KIF17: variants seen among roughly 807,000 people sequenced by gnomAD.
The protein encoded by KIF17 is kinesin family member 17, also known as kinesin-like protein KIF17.
Under a neutral mutation model 96.8 loss-of-function variants are expected in KIF17, and 80 were observed. The observed-to-expected ratio is 0.83, with a 90% CI of 0.69 to 1.00. The LOEUF is 1.00. Ranked by LOEUF, KIF17 falls within the 50% of genes least tolerant of loss-of-function variation. KIF17 has a pLI of 0.00. For synonymous variants in KIF17, 567 were observed against 587.5 expected (o/e 0.97, Z 0.51); for missense variants, 1,280 against 1,372.9 (o/e 0.93, Z 1.07).
At chr1:20,684,638 C>T (rs918526097) in intron 10 of KIF17, among the ~76,000 whole-genome samples, 171 bp downstream of exon 10, 1 of 152,206 alleles carries the variant, frequency 6.6e-6, no homozygotes, top group Admixed American at 6.5e-5. Flanking sequence ...GTGTCTGGAG[C>T]AGAGCCCTGC....
chr1:20,689,479 C>T (rs1389907214), intron 7 of KIF17, among the ~76,000 whole-genome samples: 1 of 152,040 alleles, frequency 6.6e-6, no homozygotes, highest in Non-Finnish European at 1.5e-5. Context: ...GACGAAATCC[C>T]GTCTCTACTG....
chr1:20,671,478 A>G (rs1239629195), intron 12 of KIF17, among the ~76,000 whole-genome samples: 2 of 151,046 alleles, frequency 1.3e-5, no homozygotes, highest in African/African-American at 2.4e-5. Flanking sequence ...CTACAGGTAC[A>G]TGCTGCCATG....
intron 11 of KIF17, among the ~76,000 whole-genome samples, chr1:20,679,519 G>A (rs2053793981): frequency 6.6e-6 from 1 of 152,048 alleles, no homozygotes; most frequent in Non-Finnish European, 1.5e-5. Flanking sequence ...AACAGAGAAG[G>A]CAGAGAGGCA....
intron 3 of KIF17, among the ~76,000 whole-genome samples, chr1:20,712,371 C>G (rs564826007): frequency 9.9e-5 from 15 of 151,246 alleles, no homozygotes; most frequent in South Asian, 2.1e-4. Context: ...TAGAAAAACT[C>G]TAGGTGGGAG....
intron 13 of KIF17, among the ~76,000 whole-genome samples, chr1:20,670,158 C>A (rs2154535033): frequency 6.6e-6 from 1 of 152,156 alleles, no homozygotes; most frequent in South Asian, 2.1e-4. Flanking sequence ...AAGTCTCTGT[C>A]CTTCACCGGC....
At chr1:20,678,698 G>A (rs1241203794) in intron 11 of KIF17, among the ~76,000 whole-genome samples, 1 of 152,118 alleles carries the variant, frequency 6.6e-6, no homozygotes, top group African/African-American at 2.4e-5. Context: ...ATGGGGCGAG[G>A]AGGAATGAGG....
chr1:20,699,688 G>A lies in KIF17; in HGVS notation c.1124-1200C>T, dbSNP rs2054198580. Reference sequence around the variant, plus strand: ...ACAGGAGGCGCTTGCTAGACAGGGGGAGCTTGCTAGACAGGGGGAGCGGTG... The same window carrying A: ...ACAGGAGGCGCTTGCTAGACAGGGGAAGCTTGCTAGACAGGGGGAGCGGTG... On this transcript the variant is annotated intron_variant, in intron 5 of 14. Transcript: ENST00000400463. This position sits in a 1 kb window ranked among gnomAD's most constrained non-coding sequence, Gnocchi z 4.3. 6.6e-6 allele frequency among the ~76,000 whole-genome samples: 1 copy of A among 152,154 alleles called. No homozygotes were observed. Among genetic ancestry groups the A allele is most frequent in the African/African-American group, 2.4e-5 (1 of 41,450 alleles).
Position 20,682,886 on chromosome 1 carries a change from T to C in KIF17, c.2232-2A>G. 1.2e-6 allele frequency: 2 copies of C among 1,608,594 alleles called. No homozygotes were observed. Among genetic ancestry groups the C allele is most frequent in the African/African-American group, 2.7e-5 (2 of 75,052 alleles). ...ACCTGCTGCTCCAACAGCTGCAGAC[T>C]GCCGGCGTGGAGGAGAAAGCAAACA... On this transcript the variant is annotated splice_acceptor_variant, in intron 10 of 14. Transcript: ENST00000400463. LOFTEE classifies it high-confidence loss of function.
chr1:20,669,689 C>T (rs549955437), intron 13 of KIF17, among the ~76,000 whole-genome samples: 230 of 149,122 alleles, frequency 1.5e-3, no homozygotes, highest in African/African-American at 5.2e-3. Context: ...CTGGCCAACC[C>T]GGTGAAACTC....
intron 11 of KIF17, among the ~76,000 whole-genome samples, chr1:20,680,940 A>ATG (rs2053818620): frequency 6.6e-6 from 1 of 151,700 alleles, no homozygotes; most frequent in African/African-American, 2.4e-5. Flanking sequence ...TGGCTAATAC[A>ATG]GTGAAACCCC....
At chr1:20,666,977 T>C (rs1055606692) in intron 13 of KIF17, among the ~76,000 whole-genome samples, 41 of 152,244 alleles carry the variant, frequency 2.7e-4, no homozygotes, top group African/African-American at 8.7e-4. Flanking sequence ...CACATCCTCC[T>C]AAACACAGTA....
In KIF17 at chr1:20,664,709, T is replaced by G; in HGVS notation, c.2962A>C (p.Ile988Leu). ...ATTTCAGGGGCCTGGGTGGGTGGGA[T>G]GGCAGAGTTGTTGCTGAGTGGGCAG... is the stretch of plus-strand genomic sequence containing the variant. Reference protein sequence around the residue: ...LSCPLSNNSAIPPTQAPEMPQ... With the variant: ...LSCPLSNNSALPPTQAPEMPQ... Residue 988 changes from isoleucine (I) to leucine (L), a missense_variant, in exon 15 of 15, where the codon ATC becomes CTC. Transcript: ENST00000400463. The G allele has an allele frequency of 6.2e-7, 1 of 1,612,338 alleles. No individual in the cohort carries two copies. Among genetic ancestry groups the G allele is most frequent in the Non-Finnish European group, 8.5e-7 (1 of 1,179,644 alleles).
intron 7 of KIF17, among the ~76,000 whole-genome samples, chr1:20,688,471 C>T (rs2053980268): frequency 6.6e-6 from 1 of 152,242 alleles, no homozygotes; most frequent in Non-Finnish European, 1.5e-5. Flanking sequence ...CTACCACCTT[C>T]CACCTCTTCC....
rs774453104 is a variant in KIF17, at chr1:20,699,393, G to A, written c.1124-905C>T. ...CCAACAGCCAACATAGTAAAACCCCGTCTCTACCAAAAAAATACAAAAATT... is the reference window on the plus strand; with the variant it reads ...CCAACAGCCAACATAGTAAAACCCCATCTCTACCAAAAAAATACAAAAATT... On this transcript the variant is annotated intron_variant, in intron 5 of 14. Transcript: ENST00000400463. This position sits in a 1 kb window ranked among gnomAD's most constrained non-coding sequence, Gnocchi z 4.3. 3.3e-5 allele frequency among the ~76,000 whole-genome samples: 5 copies of A among 150,722 alleles called. No individual in the cohort carries two copies. The highest frequency in any genetic ancestry group is 2.1e-4 in the South Asian group (1 of 4,832).
intron 13 of KIF17, among the ~76,000 whole-genome samples, chr1:20,668,106 T>G (rs963091808): frequency 3.2e-4 from 49 of 151,850 alleles, no homozygotes; most frequent in Non-Finnish European, 4.7e-4. Context: ...GTCAGGAGAT[T>G]GAGACCATCC....
At position 20,713,417 on chromosome 1, in the gene KIF17, T is replaced by A. The variant is rs1388612369; in HGVS notation, c.480+37A>T. On this transcript the variant is annotated intron_variant, in intron 3 of 14. Coordinates refer to ENST00000400463, the MANE Select transcript of KIF17 (RefSeq NM_001122819.3). ...GCAGCACCAATGCCAACCTCCCCCC[T>A]ACCAGCCCCACCTGCCCACAATGGG... is the stretch of plus-strand genomic sequence containing the variant. The A allele has an allele frequency of 3.4e-6, 5 of 1,487,006 alleles. No homozygotes were observed. In the Admixed American group the frequency reaches 5.1e-5, roughly 15 times the overall value. The allele number at this position is 1,487,006 out of a possible 1,614,324, so 92.1% of individuals were successfully genotyped here. A position where few individuals can be genotyped will look rare whatever the true frequency, so the allele number is the denominator to read the frequency against.
intron 6 of KIF17, among the ~76,000 whole-genome samples, chr1:20,697,002 G>T (rs574657948): frequency 2.0e-5 from 3 of 152,298 alleles, no homozygotes; most frequent in Admixed American, 6.5e-5. Flanking sequence ...GTTCACTGGG[G>T]GCACCATCGA....
chr1:20,691,624 ATTTTTTTTTTT>A (rs72410884), intron 6 of KIF17, among the ~76,000 whole-genome samples: 17 of 123,038 alleles, frequency 1.4e-4, no homozygotes, highest in East Asian at 5.8e-4. Context: ...ACGTCTGGCT[ATTTTTTTTTTT>A]TTTTTTTTTT....
intron 5 of KIF17, among the ~76,000 whole-genome samples, chr1:20,702,017 T>A (rs1005837006): frequency 1.3e-5 from 2 of 152,216 alleles, no homozygotes; most frequent in East Asian, 3.8e-4. Flanking sequence ...CAGGCACGCC[T>A]GGTCTGAAGG....
Sources: allele counts gnomAD v4.1 joint callset (sites outside exome capture counted in the v4.1 genomes callset), GRCh38; gene constraint gnomAD v4.1.1; non-coding constraint Gnocchi (gnomAD v3.1); transcripts MANE v1.5; gene names NCBI Gene and HGNC (gene_info 2026-07-23, HGNC 2026-07-21).